The following DPP10 variants were observed in gnomAD, a reference collection of about 807,000 sequenced individuals.
DPP10 encodes the protein inactive dipeptidyl peptidase 10.
A neutral mutation model predicts 120.9 loss-of-function variants in DPP10; 33 were observed. The ratio of observed to expected loss-of-function variants is 0.27; its 90% CI spans 0.21 to 0.37. The LOEUF is 0.37. Among genes scored for constraint, DPP10 ranks in the 10% least tolerant of loss-of-function variants. The pLI, the probability that DPP10 is intolerant of heterozygous loss-of-function variation, is 1.00. For synonymous variants in DPP10, 337 were observed against 326.1 expected (o/e 1.03, Z -0.36); for missense variants, 816 against 942.8 (o/e 0.87, Z 1.76).
intron 1 of DPP10, among the ~76,000 whole-genome samples, chr2:115,069,195 T>A (rs1432519961): frequency 6.6e-6 from 1 of 152,110 alleles, no homozygotes; most frequent in Non-Finnish European, 1.5e-5. Context: ...TTTTTGTTTA[T>A]TTGTGTCTTC....
At chr2:115,351,334 C>T (rs982321918) in intron 3 of DPP10, among the ~76,000 whole-genome samples, 4 of 151,900 alleles carry the variant, frequency 2.6e-5, no homozygotes, top group Admixed American at 6.6e-5. Flanking sequence ...GATGGGCAGA[C>T]GTAACGATAG....
chr2:115,580,058 T>C (rs1431027519), intron 5 of DPP10: 1 of 152,102 alleles, frequency 6.6e-6, no homozygotes, highest in Non-Finnish European at 1.5e-5. Flanking sequence ...CACTTATAAG[T>C]GAGACCATGT....
intron 1 of DPP10, among the ~76,000 whole-genome samples, chr2:114,770,921 T>C (rs1681192829): frequency 6.6e-6 from 1 of 152,198 alleles, no homozygotes; most frequent in Non-Finnish European, 1.5e-5. Context: ...GCAAGAAATA[T>C]GTGGTTATAA....
intron 3 of DPP10, among the ~76,000 whole-genome samples, chr2:115,401,525 G>A (rs1574718339): frequency 6.6e-6 from 1 of 152,220 alleles, no homozygotes; most frequent in East Asian, 1.9e-4. Flanking sequence ...TGAGATTACG[G>A]TGAGCTGTGA....
intron 1 of DPP10, among the ~76,000 whole-genome samples, chr2:115,158,741 T>C (rs1241195160): frequency 2.0e-5 from 3 of 152,230 alleles, no homozygotes; most frequent in Non-Finnish European, 4.4e-5. Context: ...TGTCCATGAA[T>C]TAGCTGATCA....
intron 3 of DPP10, among the ~76,000 whole-genome samples, chr2:115,497,074 A>T (rs1401630593): frequency 6.6e-6 from 1 of 152,076 alleles, no homozygotes; most frequent in Non-Finnish European, 1.5e-5. Flanking sequence ...CAACAGTACT[A>T]TCATCTATAT....
chr2:115,218,835 GA>G (rs943967246), intron 1 of DPP10, among the ~76,000 whole-genome samples: 23 of 152,114 alleles, frequency 1.5e-4, no homozygotes, highest in African/African-American at 5.5e-4. Context: ...AAATATTACT[GA>G]ATTAATTGTT....
chr2:115,178,575 G>A (rs1305699066), intron 1 of DPP10, among the ~76,000 whole-genome samples: 1 of 152,134 alleles, frequency 6.6e-6, no homozygotes, highest in African/African-American at 2.4e-5. Context: ...AAAATAAATT[G>A]ATGGTTATTA....
chr2:114,805,426 A>G (rs886866049), intron 1 of DPP10, among the ~76,000 whole-genome samples: 1 of 152,160 alleles, frequency 6.6e-6, no homozygotes, highest in Non-Finnish European at 1.5e-5. Flanking sequence ...CTTTGGGGCA[A>G]TGGAGGAGGT....
At position 114,657,508 on chromosome 2, in the gene DPP10, G is replaced by A. The variant is rs2105522873; in HGVS notation, c.60+214670G>A. ...CTCCATATACTAATTACTGTCAATGGTTTTCTTTTCTCTATAATTTAAAGT... is the reference window on the plus strand; with the variant it reads ...CTCCATATACTAATTACTGTCAATGATTTTCTTTTCTCTATAATTTAAAGT... On this transcript the variant is annotated intron_variant, in intron 1 of 25. Coordinates refer to ENST00000410059, the MANE Select transcript of DPP10 (RefSeq NM_020868.6). Among the ~76,000 whole-genome samples the A allele has an allele frequency of 1.3e-5, 2 of 152,098 alleles. 1 individual carries two copies. The highest frequency in any genetic ancestry group is 4.1e-4 in the South Asian group (2 of 4,826).
intron 1 of DPP10, among the ~76,000 whole-genome samples, chr2:114,893,755 T>C (rs1164861957): frequency 1.3e-5 from 2 of 152,196 alleles, no homozygotes; most frequent in African/African-American, 4.8e-5. Flanking sequence ...ATCATCCAAT[T>C]AACATATTCA....
At chr2:114,721,240 T>G (rs1012654620) in intron 1 of DPP10, among the ~76,000 whole-genome samples, 1 of 152,208 alleles carries the variant, frequency 6.6e-6, no homozygotes, top group Non-Finnish European at 1.5e-5. Flanking sequence ...CTGCCCTACT[T>G]ACTTTGCAGA....
chr2:114,511,233 T>C (rs891089381), intron 1 of DPP10, among the ~76,000 whole-genome samples: 3 of 152,288 alleles, frequency 2.0e-5, no homozygotes, highest in Non-Finnish European at 4.4e-5. Context: ...TATTAGTTGA[T>C]AGCTTTTTAT....
intron 1 of DPP10, among the ~76,000 whole-genome samples, chr2:114,713,482 T>C (rs1701159007): frequency 6.6e-6 from 1 of 152,152 alleles, no homozygotes; most frequent in South Asian, 2.1e-4. Context: ...CGATATACTT[T>C]CCTCACTTAA....
intron 1 of DPP10, among the ~76,000 whole-genome samples, chr2:114,791,069 G>C (rs1439699532): frequency 1.3e-5 from 2 of 152,090 alleles, no homozygotes; most frequent in Non-Finnish European, 2.9e-5. Context: ...CCACTATTCT[G>C]GTATAAAATA....
At chr2:115,027,013 C>T (rs1037438103) in intron 1 of DPP10, among the ~76,000 whole-genome samples, 7 of 151,966 alleles carry the variant, frequency 4.6e-5, no homozygotes, top group African/African-American at 1.2e-4. Flanking sequence ...ATGTTTTAAA[C>T]GTTTCCTTGT....
chr2:115,154,727 T>C (rs575591888), intron 1 of DPP10, among the ~76,000 whole-genome samples: 1 of 151,936 alleles, frequency 6.6e-6, no homozygotes, highest in South Asian at 2.1e-4. Flanking sequence ...TGTAGACCCC[T>C]ACCCACCACC....
At chr2:114,823,397 G>C (rs1018926864) in intron 1 of DPP10, among the ~76,000 whole-genome samples, 1 of 152,076 alleles carries the variant, frequency 6.6e-6, no homozygotes, top group Non-Finnish European at 1.5e-5. Flanking sequence ...GGAATTATGG[G>C]AAATGTAATT....
At chr2:115,537,793 T>C (rs1445426974) in intron 5 of DPP10, among the ~76,000 whole-genome samples, 2 of 151,940 alleles carry the variant, frequency 1.3e-5, no homozygotes, top group Non-Finnish European at 2.9e-5. Flanking sequence ...CATTTCCCAC[T>C]CGAAGGCTTA....
Sources: gnomAD v4.1 joint callset for allele counts (sites outside exome capture counted in the v4.1 genomes callset) on GRCh38, gnomAD v4.1.1 for gene constraint, MANE v1.5 for transcripts, NCBI Gene and HGNC (gene_info 2026-07-23, HGNC 2026-07-21) for gene names.